Variants in AIG1 observed in about 807,000 individuals in gnomAD.
AIG1 encodes androgen induced 1.
A neutral mutation model predicts 31.4 loss-of-function variants in AIG1; 23 were observed. The observed-to-expected ratio is 0.73, with a 90% CI of 0.53 to 1.04. AIG1 has a LOEUF of 1.04. AIG1 is among the 50% of genes least tolerant of loss of function. AIG1 has a pLI of 0.00. For missense variants in AIG1, 274 were observed against 295.0 expected (o/e 0.93, Z 0.52); for synonymous variants, 100 against 110.5 (o/e 0.90, Z 0.60).
intron 5 of AIG1, among the ~76,000 whole-genome samples, chr6:143,336,513 A>G (rs1420751144): frequency 6.6e-6 from 1 of 152,178 alleles, no homozygotes; most frequent in Non-Finnish European, 1.5e-5. Flanking sequence ...GCCCACCCTG[A>G]TGACCTCATT....
downstream of AIG1, chr6:143,342,098 T>C: frequency 2.4e-6 from 1 of 413,760 alleles, no homozygotes; most frequent in Middle Eastern, 6.7e-4. Flanking sequence ...GCTAATTTTG[T>C]ACTTTTCGTA....
At chr6:143,196,350 A>AACACACACACACACACACAC (rs71784011) in intron 3 of AIG1, among the ~76,000 whole-genome samples, 2 of 141,634 alleles carry the variant, frequency 1.4e-5, no homozygotes, top group African/African-American at 5.3e-5. Flanking sequence ...CAACAAAAGC[A>AACACACACACACACACACAC]ACACACACAC....
intron 1 of AIG1, among the ~76,000 whole-genome samples, chr6:143,106,410 G>A (rs1780809378): frequency 6.6e-6 from 1 of 152,138 alleles, no homozygotes. Flanking sequence ...ATGATGCTTT[G>A]TTATGGCGGC....
intron 3 of AIG1, among the ~76,000 whole-genome samples, chr6:143,192,774 G>A (rs1789907199): frequency 6.6e-6 from 1 of 152,152 alleles, no homozygotes; most frequent in Non-Finnish European, 1.5e-5. Flanking sequence ...AACTGCACAA[G>A]TAGATGACCT....
intron 1 of AIG1, among the ~76,000 whole-genome samples, chr6:143,123,746 G>A (rs1446135167): frequency 6.6e-6 from 1 of 152,054 alleles, no homozygotes; most frequent in Non-Finnish European, 1.5e-5. Flanking sequence ...TCTGATATGA[G>A]CAGGAAAGAT....
At chr6:143,118,878 T>C (rs934739154) in intron 1 of AIG1, among the ~76,000 whole-genome samples, 1 of 151,772 alleles carries the variant, frequency 6.6e-6, no homozygotes, top group African/African-American at 2.4e-5. Context: ...CTTTTTTTTT[T>C]TTTTTGTCTT....
intron 1 of AIG1, among the ~76,000 whole-genome samples, chr6:143,092,231 T>C (rs564164667): frequency 1.3e-5 from 2 of 151,732 alleles, no homozygotes; most frequent in Admixed American, 1.3e-4. Flanking sequence ...CAGCCTCTCA[T>C]GTAGCTGGGA....
chr6:143,137,467 G>T (rs983559662), intron 2 of AIG1, among the ~76,000 whole-genome samples: 1 of 152,162 alleles, frequency 6.6e-6, no homozygotes, highest in Admixed American at 6.5e-5. Flanking sequence ...ACACAATTCA[G>T]TCTATCAGTT....
intron 1 of AIG1, among the ~76,000 whole-genome samples, chr6:143,084,344 A>G (rs1778569705): frequency 6.6e-6 from 1 of 152,100 alleles, no homozygotes; most frequent in African/African-American, 2.4e-5. Flanking sequence ...CTATTCGGAC[A>G]ATCTTTTTTA....
intron 2 of AIG1, among the ~76,000 whole-genome samples, chr6:143,151,491 TAAACA>T (rs10525857): frequency 0.066 from 10,099 of 152,148 alleles, 1,097 homozygotes; most frequent in African/African-American, 0.23. Flanking sequence ...TAATCTAAAA[TAAACA>T]AAACACAGAA....
At chr6:143,263,230 T>G (rs909189900) in intron 3 of AIG1, among the ~76,000 whole-genome samples, 1 of 152,164 alleles carries the variant, frequency 6.6e-6, no homozygotes, top group African/African-American at 2.4e-5. Context: ...CCACTTTTAT[T>G]TGATAGCTTC....
At chr6:143,171,530 T>A (rs1318788425) in intron 3 of AIG1, among the ~76,000 whole-genome samples, 21 of 131,290 alleles carry the variant, frequency 1.6e-4, no homozygotes, top group Admixed American at 5.3e-4. Context: ...ATATATTTAA[T>A]ATATATATTA....
At chr6:143,335,084 C>G (rs1777370688) in intron 5 of AIG1, 2 of 1,449,952 alleles carry the variant, frequency 1.4e-6, no homozygotes, top group Non-Finnish European at 1.8e-6. Context: ...CTAGGACCAT[C>G]TAGTTAGTTC....
intron 2 of AIG1, among the ~76,000 whole-genome samples, chr6:143,154,670 G>A (rs1422633664): frequency 2.0e-5 from 3 of 152,276 alleles, no homozygotes; most frequent in South Asian, 2.1e-4. Flanking sequence ...GGTGAAACCC[G>A]AATTTGGTCT....
At chr6:143,086,665 T>C (rs1282002901) in intron 1 of AIG1, among the ~76,000 whole-genome samples, 1 of 151,674 alleles carries the variant, frequency 6.6e-6, no homozygotes, top group African/African-American at 2.4e-5. Context: ...CCTTTGGAGA[T>C]ACAACTTGCT....
At chr6:143,094,102 A>G (rs1779540325) in intron 1 of AIG1, 1 of 152,230 alleles carries the variant, frequency 6.6e-6, no homozygotes, top group Admixed American at 6.5e-5. Context: ...TAATTTGTTA[A>G]AAACAAAACA....
chr6:143,071,778 T>TTGTG (rs759030529), intron 1 of AIG1, among the ~76,000 whole-genome samples: 7 of 150,078 alleles, frequency 4.7e-5, no homozygotes, highest in Non-Finnish European at 1.5e-5. Context: ...TTTTCTTTTC[T>TTGTG]TGTGTGTGTG....
intron 3 of AIG1, among the ~76,000 whole-genome samples, chr6:143,264,177 GT>G (rs2128661060): frequency 6.6e-6 from 1 of 152,222 alleles, no homozygotes; most frequent in Admixed American, 6.5e-5. Context: ...ATATGCTTGG[GT>G]ATTTATTAGC....
chr6:143,279,756 G>A lies in AIG1; in HGVS notation c.400-4354G>A, dbSNP rs772515220. On this transcript the variant is annotated intron_variant, in intron 3 of 5. Coordinates refer to ENST00000357847, the MANE Select transcript of AIG1 (RefSeq NM_016108.4). This position sits in a 1 kb window ranked among gnomAD's most constrained non-coding sequence, Gnocchi z 5.4. ...ATGCAATAAATCAGGATAGATTTAG[G>A]CTTCGTTTTTTGGACACAATCTTCC... Among the ~76,000 whole-genome samples, 1 of 152,088 alleles carries A rather than the reference G, an allele frequency of 6.6e-6. No individual in the cohort carries two copies. The highest frequency in any genetic ancestry group is 1.5e-5 in the Non-Finnish European group (1 of 68,018).
Sources: allele counts gnomAD v4.1 joint callset (sites outside exome capture counted in the v4.1 genomes callset), GRCh38; gene constraint gnomAD v4.1.1; non-coding constraint Gnocchi (gnomAD v3.1); transcripts MANE v1.5; gene names NCBI Gene and HGNC (gene_info 2026-07-23, HGNC 2026-07-21).